Variants in NTM observed in about 807,000 individuals in gnomAD.
NTM encodes IgLON family member 2.
Under a neutral mutation model 42.1 loss-of-function variants are expected in NTM, and 13 were observed. The observed-to-expected ratio is 0.31, with a 90% CI of 0.20 to 0.49. NTM has a LOEUF of 0.49. NTM is among the 20% of genes least tolerant of loss of function. The pLI is 0.99. For synonymous variants in NTM, 187 were observed against 179.2 expected (o/e 1.04, Z -0.35); for missense variants, 373 against 452.8 (o/e 0.82, Z 1.60).
chr11:131,792,731 C>G (rs758582732), intron 1 of NTM, among the ~76,000 whole-genome samples: 19 of 152,160 alleles, frequency 1.2e-4, no homozygotes, highest in Non-Finnish European at 2.6e-4. Context: ...ACGTGCAGCC[C>G]CTTGATCTTT....
intron 1 of NTM, chr11:131,773,884 G>A: frequency 2.9e-6 from 1 of 350,526 alleles, no homozygotes; most frequent in African/African-American, 2.2e-5. Flanking sequence ...TGCATGGTCT[G>A]GGTCCTTGTG....
chr11:132,164,017 G>A (rs1408722230), intron 3 of NTM, among the ~76,000 whole-genome samples: 3 of 152,132 alleles, frequency 2.0e-5, no homozygotes, highest in African/African-American at 4.8e-5. Context: ...AGGTCATGCC[G>A]CTGGTTAAGC....
chr11:132,262,336 G>A (rs931581696), intron 4 of NTM, among the ~76,000 whole-genome samples: 13 of 152,164 alleles, frequency 8.5e-5, no homozygotes, highest in African/African-American at 3.1e-4. Context: ...CCCAAGGGTG[G>A]GACTTTTGGC....
chr11:131,714,612 C>A (rs1177191775), intron 1 of NTM, among the ~76,000 whole-genome samples: 2 of 152,166 alleles, frequency 1.3e-5, no homozygotes, highest in Non-Finnish European at 2.9e-5. Context: ...GACATTCCTG[C>A]CGTAGGGAGT....
chr11:131,529,149 T>G (rs2050899466), intron 1 of NTM, among the ~76,000 whole-genome samples: 1 of 152,174 alleles, frequency 6.6e-6, no homozygotes, highest in Non-Finnish European at 1.5e-5. Flanking sequence ...TTTGGACAGG[T>G]CAGGGAGCAG....
At chr11:132,184,397 A>C (rs1439606203) in intron 3 of NTM, among the ~76,000 whole-genome samples, 1 of 152,160 alleles carries the variant, frequency 6.6e-6, no homozygotes, top group African/African-American at 2.4e-5. Flanking sequence ...GCACTGCCCC[A>C]GTTCCTACAT....
At chr11:131,846,198 A>G (rs1038056863) in intron 1 of NTM, among the ~76,000 whole-genome samples, 5 of 152,184 alleles carry the variant, frequency 3.3e-5, no homozygotes, top group African/African-American at 9.7e-5. Flanking sequence ...ATTTATTACT[A>G]TATACCAATT....
intron 1 of NTM, among the ~76,000 whole-genome samples, chr11:131,432,525 C>A (rs1378643575): frequency 6.6e-6 from 1 of 152,156 alleles, no homozygotes; most frequent in African/African-American, 2.4e-5. Context: ...TTCAAGACCA[C>A]ATGGTTAGGA....
chr11:131,386,112 T>C (rs1456556021), intron 1 of NTM, among the ~76,000 whole-genome samples: 2 of 152,250 alleles, frequency 1.3e-5, no homozygotes, highest in Admixed American at 6.5e-5. Flanking sequence ...ATGAGGTCTA[T>C]GCATAAATGG....
In NTM at chr11:132,229,099, C is replaced by T. The variant is rs149489875; in HGVS notation, c.526+16952C>T. ...AAAGAGGGATCATCATCCTCATCAC[C>T]GTGATCACCTCCTTCCCACCTCCTC... On this transcript the variant is annotated intron_variant, in intron 4 of 8. Coordinates refer to ENST00000683400, the MANE Select transcript of NTM (RefSeq NM_001352005.2). Among the ~76,000 whole-genome samples, 738 of 152,322 alleles carry T rather than the reference C, an allele frequency of 4.8e-3. 6 individuals carry two copies. The highest frequency in any genetic ancestry group is 0.017 in the African/African-American group (698 of 41,570).
chr11:131,651,059 A>G (rs1241305351), intron 1 of NTM, among the ~76,000 whole-genome samples: 1 of 152,228 alleles, frequency 6.6e-6, no homozygotes, highest in Non-Finnish European at 1.5e-5. Context: ...TGTCATTTTT[A>G]GTTGAGTGAA....
At chr11:131,620,131 A>T (rs1249087322) in intron 1 of NTM, among the ~76,000 whole-genome samples, 1 of 152,204 alleles carries the variant, frequency 6.6e-6, no homozygotes, top group Non-Finnish European at 1.5e-5. Flanking sequence ...ACTAAAGCAC[A>T]CAATAAAAAT....
At chr11:131,775,766 C>A (rs898818710) in intron 1 of NTM, among the ~76,000 whole-genome samples, 33 of 152,090 alleles carry the variant, frequency 2.2e-4, no homozygotes, top group African/African-American at 7.2e-4. Context: ...TCAAGATGTA[C>A]AGTAATGTAA....
chr11:132,251,565 C>A (rs2091939685), intron 4 of NTM, among the ~76,000 whole-genome samples: 1 of 152,176 alleles, frequency 6.6e-6, no homozygotes, highest in African/African-American at 2.4e-5. Flanking sequence ...GAGGAAAGGG[C>A]AAGGCATGTG....
chr11:131,637,436 C>A (rs2064545184), intron 1 of NTM, among the ~76,000 whole-genome samples: 1 of 151,704 alleles, frequency 6.6e-6, no homozygotes, highest in African/African-American at 2.4e-5. Context: ...GGGTTCAAGG[C>A]CCACCCACCT....
At chr11:131,960,980 G>T (rs113818604) in intron 2 of NTM, among the ~76,000 whole-genome samples, 11 of 152,246 alleles carry the variant, frequency 7.2e-5, no homozygotes, top group Non-Finnish European at 1.3e-4. Context: ...GGACAACAGC[G>T]TCTTCAACCT....
intron 1 of NTM, among the ~76,000 whole-genome samples, chr11:131,496,482 C>T (rs1300594507): frequency 6.6e-6 from 1 of 152,208 alleles, no homozygotes; most frequent in Non-Finnish European, 1.5e-5. Context: ...CCTGGGCAGG[C>T]CAGGGCCGGC....
At chr11:131,579,877 C>T (rs1180541279) in intron 1 of NTM, among the ~76,000 whole-genome samples, 1 of 152,208 alleles carries the variant, frequency 6.6e-6, no homozygotes, top group Non-Finnish European at 1.5e-5. Flanking sequence ...ATAAAAACTA[C>T]TATGAGACAG....
intron 1 of NTM, among the ~76,000 whole-genome samples, chr11:131,406,987 C>T (rs546659686): frequency 2.3e-4 from 35 of 152,356 alleles, no homozygotes; most frequent in Non-Finnish European, 4.1e-4. Flanking sequence ...GTGATTAAAA[C>T]GACTCAGAAA....
Sources: gnomAD v4.1 joint callset for allele counts (sites outside exome capture counted in the v4.1 genomes callset) on GRCh38, gnomAD v4.1.1 for gene constraint, MANE v1.5 for transcripts, NCBI Gene and HGNC (gene_info 2026-07-23, HGNC 2026-07-21) for gene names.